The following ZNF77 variants were observed in gnomAD, a reference collection of about 807,000 sequenced individuals.
ZNF77 encodes the protein ZNFpT1.
In ZNF77, 15 loss-of-function variants were observed where a neutral mutation model predicts 13.5. That is an observed-to-expected ratio of 1.11 (90% CI 0.74 to 1.71). ZNF77 has a LOEUF of 1.71. Among genes scored for constraint, ZNF77 ranks in the 40% most tolerant of loss-of-function variants. ZNF77 has a pLI of 0.00. For missense variants in ZNF77, 717 were observed against 676.4 expected (o/e 1.06, Z -0.67); for synonymous variants, 282 against 250.0 (o/e 1.13, Z -1.21).
intron 1 of ZNF77, among the ~76,000 whole-genome samples, chr19:2,944,590 T>C (rs561357153): frequency 3.6e-4 from 54 of 150,618 alleles, no homozygotes; most frequent in African/African-American, 1.3e-3. Flanking sequence ...CCACAAGCTC[T>C]CCCCAAACTC....
At position 2,934,139 on chromosome 19, in the gene ZNF77, C is replaced by T. The variant is rs1362236094; in HGVS notation, c.988G>A (p.Gly330Arg). 14 of 1,614,034 alleles carry T rather than the reference C, an allele frequency of 8.7e-6. No individual in the cohort carries two copies. The highest frequency in any genetic ancestry group is 4.4e-5 in the South Asian group (4 of 91,070). ...GACGAGTAACAAGTGAACGCTTTTCCGCAATGTTTACACTGACAGGGTTTC... is the reference window on the plus strand; with the variant it reads ...GACGAGTAACAAGTGAACGCTTTTCTGCAATGTTTACACTGACAGGGTTTC... Reference protein sequence around the residue: ...GEKPCQCKHCGKAFTCYSSLR... With the variant: ...GEKPCQCKHCRKAFTCYSSLR... Residue 330 changes from glycine (G) to arginine (R), a missense_variant, in exon 4 of 4, where the codon GGA becomes AGA. Coordinates refer to ENST00000314531, the MANE Select transcript of ZNF77 (RefSeq NM_021217.3).
At chr19:2,938,261 A>G (rs2088415094) in intron 2 of ZNF77, among the ~76,000 whole-genome samples, 1 of 152,152 alleles carries the variant, frequency 6.6e-6, no homozygotes, top group African/African-American at 2.4e-5. Context: ...AAGGGCAACA[A>G]ATGTTCCCCT....
rs12608916 is a variant in ZNF77, at chr19:2,939,291, A to C, written c.120T>G (p.Leu40=). The change falls in exon 2 of 4, where the codon CTT becomes CTG. Residue 40 remains leucine, a synonymous_variant. Coordinates refer to ENST00000314531, the MANE Select transcript of ZNF77 (RefSeq NM_021217.3). The part of the protein sequence containing the change: ...RDVMLETCRN[L]ASLDCYIYVR... ...TGACACCACCCTTACCCAAGGAGGC[A>C]AGGTTCCTGCAGGTCTCCAGCATCA... The C allele has an allele frequency of 8.7e-3, 10,974 of 1,259,838 alleles. 829 individuals are homozygous for C. Among genetic ancestry groups the C allele is most frequent in the East Asian group, 0.056 (1,015 of 18,266 alleles). 78.0% of individuals were successfully genotyped at this position (1,259,838 alleles called of 1,614,324 possible).
intron 1 of ZNF77, among the ~76,000 whole-genome samples, chr19:2,940,148 T>C (rs1397673882): frequency 1.3e-5 from 2 of 151,758 alleles, no homozygotes; most frequent in East Asian, 3.9e-4. Context: ...GCAAAGACCC[T>C]GTCTCTTAAA....
rs954678123 is a variant in ZNF77, at chr19:2,934,723, T to G, written c.404A>C (p.Tyr135Ser). 3.1e-6 allele frequency: 5 copies of G among 1,614,158 alleles called. No homozygotes were observed. In the East Asian group the frequency reaches 6.7e-5, roughly 22 times the overall value. ...QTANLLVHKS[Y>S]PTEAKPSECT... Reference sequence around the variant, plus strand: ...CTCAGAGGGTTTAGCTTCGGTAGGGTAACTCTTGTGCACAAGAAGGTTCGC... The same window carrying G: ...CTCAGAGGGTTTAGCTTCGGTAGGGGAACTCTTGTGCACAAGAAGGTTCGC... Residue 135 changes from tyrosine (Y) to serine (S), a missense_variant, in exon 4 of 4, where the codon TAC becomes TCC. Tyr to Ser is a moderately radical substitution (Grantham distance 144). Coordinates refer to ENST00000314531, the MANE Select transcript of ZNF77 (RefSeq NM_021217.3).
At chr19:2,943,921 G>A (rs913649161) in intron 1 of ZNF77, among the ~76,000 whole-genome samples, 28 of 151,780 alleles carry the variant, frequency 1.8e-4, no homozygotes, top group African/African-American at 5.3e-4. Context: ...TGTTGTCCAG[G>A]CTGGTCTGGA....
Position 2,933,530 on chromosome 19 carries a change from C to G in ZNF77, c.1597G>C (p.Ala533Pro). The G allele has an allele frequency of 6.2e-7, 1 of 1,601,540 alleles. No homozygotes were observed. Among genetic ancestry groups the G allele is most frequent in the Non-Finnish European group, 8.5e-7 (1 of 1,171,864 alleles). ...GTTCTCACATGTGCTTGAAGCGATG[C>G]GAGATACCTGAAGGTTTTCCCACAC... ...KQCGKTFRYL[A>P]SLQAHVRTHA... Residue 533 changes from alanine to proline, a missense_variant, in exon 4 of 4, where the codon GCA becomes CCA. Transcript: ENST00000314531.
rs539946388 is a variant in ZNF77, at chr19:2,936,385, G to A, written c.311+139C>T. 3.3e-5 allele frequency: 28 copies of A among 849,282 alleles called. No individual in the cohort carries two copies. In the East Asian group the frequency reaches 8.1e-4, roughly 25 times the overall value. 52.6% of individuals were successfully genotyped at this position (849,282 alleles called of 1,614,324 possible). ...GCTGGTTTCGAACTACTAACCTCAG[G>A]TGATCCACCCGCCTCGGCCTCCCAA... On this transcript the variant is annotated intron_variant, in intron 3 of 3. Transcript: ENST00000314531.
rs747667082 is a variant in ZNF77, at chr19:2,933,898, C to A, written c.1229G>T (p.Cys410Phe). The change falls in exon 4 of 4, where the codon TGT becomes TTT. Residue 410 changes from cysteine to phenylalanine, a missense_variant. Coordinates refer to ENST00000314531, the MANE Select transcript of ZNF77 (RefSeq NM_021217.3). The stretch of plus-strand genomic sequence containing the variant: ...ACTGTAGGCTTTCCCACACTCTTTA[C>A]ATTGATAGGGCTTCACCCCGCTGTG... ...KTHSGVKPYQCKECGKAYSFS... is the reference protein window; with the variant it reads ...KTHSGVKPYQFKECGKAYSFS... 2.4e-5 allele frequency: 39 copies of A among 1,613,576 alleles called. No homozygotes were observed. Among genetic ancestry groups the A allele is most frequent in the East Asian group, 2.2e-5 (1 of 44,830 alleles).
chr19:2,943,455 T>C (rs555706042), intron 1 of ZNF77, among the ~76,000 whole-genome samples: 3 of 152,134 alleles, frequency 2.0e-5, no homozygotes, highest in East Asian at 3.9e-4. Flanking sequence ...CCCTGAACTT[T>C]GGCCCCCCCG....
rs543325303 is a variant in ZNF77 at position 2,938,759 on chromosome 19, A to T, written c.130+522T>A. ...ATCACGAGGTCAGGAGATCGAGACC[A>T]TCCTGGCTAACACGGTGAAACCCCA... On this transcript the variant is annotated intron_variant, in intron 2 of 3. Transcript: ENST00000314531. Among the ~76,000 whole-genome samples, 24 of 152,256 alleles carry T rather than the reference A, an allele frequency of 1.6e-4. 1 individual carries two copies. The South Asian group carries it at 3.9e-3, about 25-fold the overall frequency.
Position 2,934,393 on chromosome 19 carries a change from C to A in ZNF77, c.734G>T (p.Cys245Phe), listed in dbSNP as rs759083942. ...GGAGTAATACATAAAGGTCTTCCCA[C>A]ATACTTTACATGCATGGGTTTTCTG... ...HGQKTHACKVCGKTFMYYSYL... is the reference protein window; with the variant it reads ...HGQKTHACKVFGKTFMYYSYL... The change falls in exon 4 of 4, where the codon TGT becomes TTT. Residue 245 changes from cysteine to phenylalanine, a missense_variant. Cys to Phe is a radical substitution (Grantham distance 205). Transcript: ENST00000314531. 33 of 1,614,094 alleles carry A rather than the reference C, an allele frequency of 2.0e-5. No homozygotes were observed. Among genetic ancestry groups the A allele is most frequent in the Non-Finnish European group, 2.7e-5 (32 of 1,180,046 alleles).
chr19:2,941,164 C>T (rs28699166), intron 1 of ZNF77, among the ~76,000 whole-genome samples: 24,914 of 135,652 alleles, frequency 0.18, 2,481 homozygotes, highest in South Asian at 0.24. Flanking sequence ...GACAGAGAGA[C>T]GCCCTACCTC....
chr19:2,934,783 T>C lies in ZNF77; in HGVS notation c.344A>G (p.Glu115Gly). The change falls in exon 4 of 4, where the codon GAA (glutamate) becomes GGA (glycine). Residue 115 changes from glutamate (E) to glycine (G), a missense_variant. Glu to Gly is a moderately conservative substitution (Grantham distance 98, BLOSUM62 -2). Transcript: ENST00000314531. ...SQLGRLCESN[E>G]GHQCGETLSQ... is the part of the protein sequence containing the mutation. The stretch of plus-strand genomic sequence containing the variant: ...CAAGGTCTCTCCGCATTGATGACCT[T>C]CATTACTTTCACAGAGTCTCCCCAG... 1.2e-6 allele frequency: 2 copies of C among 1,612,428 alleles called. No homozygotes were observed. The highest frequency in any genetic ancestry group is 1.7e-6 in the Non-Finnish European group (2 of 1,178,662).
In ZNF77 at chr19:2,938,189, G is replaced by A. The variant is rs971856775; in HGVS notation, c.130+1092C>T. Among the ~76,000 whole-genome samples the A allele has an allele frequency of 7.9e-5, 12 of 152,110 alleles. No homozygotes were observed. In the South Asian group the frequency reaches 1.2e-3, roughly 16 times the overall value. The stretch of plus-strand genomic sequence containing the variant: ...CAGGAGTCCTTCCTCCACTATGCCC[G>A]GCTGCCCTCAGGTGTGAGCACCACC... On this transcript the variant is annotated intron_variant, in intron 2 of 3. Transcript: ENST00000314531.
rs966673235 is a variant in ZNF77 at position 2,939,407 on chromosome 19, C to T, written c.4G>A (p.Asp2Asn). 18 of 1,613,794 alleles carry T rather than the reference C, an allele frequency of 1.1e-5. No individual in the cohort carries two copies. The highest frequency in any genetic ancestry group is 6.6e-5 in the South Asian group (6 of 91,072). M[D>N]CVIFEEVAVN... ...GCCACTTCCTCAAAGATCACGCAGT[C>T]CTAAAACATTCCACACATCCCACTT... is the stretch of plus-strand genomic sequence containing the variant. The change falls in exon 2 of 4, where the codon GAC becomes AAC. Residue 2 changes from aspartate to asparagine, a missense_variant and splice_region_variant. Coordinates refer to ENST00000314531, the MANE Select transcript of ZNF77 (RefSeq NM_021217.3).
Position 2,934,644 on chromosome 19 carries a change from C to G in ZNF77, c.483G>C (p.Gln161His). 2 of 1,614,198 alleles carry G rather than the reference C, an allele frequency of 1.2e-6. No homozygotes were observed. Among genetic ancestry groups the G allele is most frequent in the East Asian group, 2.2e-5 (1 of 44,888 alleles). The change falls in exon 4 of 4, where the codon CAG (glutamine) becomes CAC (histidine). Residue 161 changes from glutamine to histidine, a missense_variant. Coordinates refer to ENST00000314531, the MANE Select transcript of ZNF77 (RefSeq NM_021217.3). Reference protein sequence around the residue: ...FENRQRSHTGQRPCKECGQAC... With the variant: ...FENRQRSHTGHRPCKECGQAC... ...CTTGCCCACATTCCTTACACGGTCT[C>G]TGTCCAGTGTGAGATCTCTGCCGAT...
chr19:2,935,445 G>A (rs1441480971), intron 3 of ZNF77, among the ~76,000 whole-genome samples: 2 of 150,430 alleles, frequency 1.3e-5, no homozygotes, highest in African/African-American at 2.5e-5. Flanking sequence ...AGCCTCCCAA[G>A]TGGCTGGGAT....
intron 1 of ZNF77, among the ~76,000 whole-genome samples, chr19:2,943,295 G>A (rs1236949529): frequency 6.7e-6 from 1 of 149,060 alleles, no homozygotes; most frequent in Non-Finnish European, 1.5e-5. Flanking sequence ...TATTGCAACA[G>A]CCCCTTCTCC....
Sources: gnomAD v4.1 joint callset for allele counts (sites outside exome capture counted in the v4.1 genomes callset) on GRCh38, gnomAD v4.1.1 for gene constraint, MANE v1.5 for transcripts, NCBI Gene and HGNC (gene_info 2026-07-23, HGNC 2026-07-21) for gene names.